SREBF1: variants seen among roughly 807,000 people sequenced by gnomAD.
The protein encoded by SREBF1 is sterol regulatory element-binding protein 1.
SREBF1 carries 45 observed loss-of-function variants against 100.1 expected under a neutral mutation model. The ratio of observed to expected loss-of-function variants is 0.45; its 90% CI spans 0.35 to 0.58. The LOEUF is 0.58. Among genes scored for constraint, SREBF1 ranks in the 20% least tolerant of loss-of-function variants. SREBF1 has a pLI of 0.00. For missense variants in SREBF1, 1,324 were observed against 1,539.4 expected, an observed-to-expected ratio of 0.86 and a Z score of 2.34; for synonymous variants, 657 against 681.8, an observed-to-expected ratio of 0.96 and a Z score of 0.57.
intron 15 of SREBF1, 62 bp downstream of exon 15, chr17:17,814,553 T>G (rs1320853182): frequency 6.5e-7 from 1 of 1,535,904 alleles, no homozygotes; most frequent in Non-Finnish European, 8.7e-7. Flanking sequence ...TGAGGCACAG[T>G]GCCCAGGGGA....
intron 1 of SREBF1, among the ~76,000 whole-genome samples, chr17:17,822,558 C>T (rs902193956): frequency 6.6e-6 from 1 of 152,264 alleles, no homozygotes; most frequent in African/African-American, 2.4e-5. Flanking sequence ...GCCTATCTGG[C>T]TCAGCCCAGG....
Position 17,815,348 on chromosome 17 carries a change from G to T in SREBF1, c.2384-19C>A. On this transcript the variant is annotated intron_variant, in intron 12 of 18. Transcript: ENST00000261646. The stretch of plus-strand genomic sequence containing the variant: ...GGGTCCACTGTGGAGAGGAGGAGGT[G>T]AGTGGGGTGGGGAGCAGGGCCCCAC... 6.2e-7 allele frequency: 1 copy of T among 1,603,434 alleles called. No homozygotes were observed. Among genetic ancestry groups the T allele is most frequent in the Non-Finnish European group, 8.5e-7 (1 of 1,171,112 alleles).
chr17:17,828,866 A>T (rs943057751), intron 1 of SREBF1, among the ~76,000 whole-genome samples: 90 of 152,112 alleles, frequency 5.9e-4, no homozygotes, highest in African/African-American at 2.0e-3. Context: ...GCGAGCTGTG[A>T]TTGTGCCATG....
Position 17,820,368 on chromosome 17 carries a change from G to A in SREBF1, c.245C>T (p.Ser82Phe). The A allele has an allele frequency of 6.2e-7, 1 of 1,612,748 alleles. No individual in the cohort carries two copies. The highest frequency in any genetic ancestry group is 2.2e-5 in the East Asian group (1 of 44,842). The stretch of plus-strand genomic sequence containing the variant: ...CGGCCCGCTCAGGAAGGCTTCAAGA[G>A]AGGAGCTCAATGTGGCAGGAGGTGG... ...LSPPPATLSS[S>F]LEAFLSGPQA... Residue 82 changes from serine (S) to phenylalanine (F), a missense_variant, in exon 2 of 19, where the codon TCT becomes TTT. By Grantham distance (155) the Ser-to-Phe change is radical. Coordinates refer to ENST00000261646, the MANE Select transcript of SREBF1 (RefSeq NM_004176.5).
chr17:17,811,647 T>G lies in SREBF1; in HGVS notation c.*975A>C. 1 of 444,500 alleles carries G rather than the reference T, an allele frequency of 2.2e-6. No individual in the cohort carries two copies. Among genetic ancestry groups the G allele is most frequent in the Non-Finnish European group, 4.5e-6 (1 of 222,674 alleles). 27.5% of individuals were successfully genotyped at this position (444,500 alleles called of 1,614,324 possible). ...GGCGGCAGGTCGGGAGGGAGGAGGC[T>G]TCTTTGCTGTGAGATGACCAGGGGC... On this transcript the variant is annotated 3_prime_UTR_variant, in exon 19 of 19. Coordinates refer to ENST00000261646, the MANE Select transcript of SREBF1 (RefSeq NM_004176.5).
In SREBF1 at chr17:17,817,740, C is replaced by T. The variant is rs761675701; in HGVS notation, c.1360G>A (p.Gly454Ser). The T allele has an allele frequency of 1.9e-6, 3 of 1,613,470 alleles. No individual in the cohort carries two copies. The East Asian group carries it at 6.7e-5, about 36-fold the overall frequency. Residue 454 changes from glycine to serine, a missense_variant, in exon 7 of 19, where the codon GGC becomes AGC. Gly to Ser is a moderately conservative substitution (Grantham distance 56, BLOSUM62 0). Transcript: ENST00000261646. This position sits in a 1 kb window ranked among gnomAD's most constrained non-coding sequence, Gnocchi z 6.6. ...GGGCTGTCAGGCTCCGAGTCACTGCCACTGCCACCGCTGCCACTGCCCCTG... is the reference window on the plus strand; with the variant it reads ...GGGCTGTCAGGCTCCGAGTCACTGCTACTGCCACCGCTGCCACTGCCCCTG... ...GSRGSGSGGS[G>S]SDSEPDSPVF...
At position 17,820,567 on chromosome 17, in the gene SREBF1, C is replaced by A; in HGVS notation, c.92-46G>T. The A allele has an allele frequency of 2.5e-6, 4 of 1,589,672 alleles. No homozygotes were observed. In the South Asian group the frequency reaches 4.4e-5, roughly 18 times the overall value. On this transcript the variant is annotated intron_variant, in intron 1 of 18. Transcript: ENST00000261646. ...TGCGTGAGTGAGGCAGAGACTGACCCCCAAACAGGGCATCACACACATCCA... is the reference window on the plus strand; with the variant it reads ...TGCGTGAGTGAGGCAGAGACTGACCACCAAACAGGGCATCACACACATCCA...
rs1418413783 is a variant in SREBF1 at position 17,820,152 on chromosome 17, G to A, written c.461C>T (p.Pro154Leu). The A allele has an allele frequency of 2.5e-6, 4 of 1,613,230 alleles. No individual in the cohort carries two copies. The highest frequency in any genetic ancestry group is 1.7e-5 in the Admixed American group (1 of 59,976). Residue 154 changes from proline (P) to leucine (L), a missense_variant, in exon 2 of 19, where the codon CCA (proline) becomes CTA (leucine). By Grantham distance (98) the Pro-to-Leu change is moderately conservative. Transcript: ENST00000261646. Reference sequence around the variant, plus strand: ...CACAGGGGTGGAGCTGAACTGCGGTGGGGCTGGGGCTGGGAAGCTCTGTGG... The same window carrying A: ...CACAGGGGTGGAGCTGAACTGCGGTAGGGCTGGGGCTGGGAAGCTCTGTGG... ...LLPQSFPAPA[P>L]PQFSSTPVLG...
At position 17,812,491 on chromosome 17, in the gene SREBF1, A is replaced by T; in HGVS notation, c.*131T>A. 1 of 946,108 alleles carries T rather than the reference A, an allele frequency of 1.1e-6. No homozygotes were observed. Among genetic ancestry groups the T allele is most frequent in the Non-Finnish European group, 1.6e-6 (1 of 636,658 alleles). The allele number at this position is 946,108 out of a possible 1,614,324, so 58.6% of individuals were successfully genotyped here. A position where few individuals can be genotyped will look rare whatever the true frequency, so the allele number is the denominator to read the frequency against. ...GCCTTCCACCGCGAAGGCACACAGC[A>T]GCCGCAGGTCGAACTGTGGAGGCCA... On this transcript the variant is annotated 3_prime_UTR_variant, in exon 19 of 19. Coordinates refer to ENST00000261646, the MANE Select transcript of SREBF1 (RefSeq NM_004176.5).
chr17:17,833,611 T>G (rs78735444), intron 1 of SREBF1, among the ~76,000 whole-genome samples: 1,966 of 151,894 alleles, frequency 0.013, 28 homozygotes, highest in Non-Finnish European at 0.022. Context: ...AAAAGTTAAC[T>G]AAAAATCATT....
At chr17:17,825,684 T>C (rs2034447473) in intron 1 of SREBF1, among the ~76,000 whole-genome samples, 1 of 148,492 alleles carries the variant, frequency 6.7e-6, no homozygotes, top group African/African-American at 2.5e-5. Flanking sequence ...CTCAGCTCAC[T>C]GCAACCTCTA....
At chr17:17,831,094 A>C (rs2034834100) in intron 1 of SREBF1, among the ~76,000 whole-genome samples, 1 of 32,948 alleles carries the variant, frequency 3.0e-5, no homozygotes, top group African/African-American at 1.2e-4. Context: ...GGCTGAGACA[A>C]GGGAACTTTA....
rs56088670 is a variant in SREBF1, at chr17:17,814,677, C to T, written c.2673G>A (p.Glu891=). 40 of 1,582,924 alleles carry T rather than the reference C, an allele frequency of 2.5e-5. No homozygotes were observed. The Middle Eastern group carries it at 1.2e-3, about 46-fold the overall frequency. ...AVVIHWLRRD[E]EAAERLCPLV... is the part of the protein sequence containing the mutation. Reference sequence around the variant, plus strand: ...GCGGGCACAGCCGCTCAGCCGCCTCCTCATCCCGCCGCAGCCAGTGGATCA... The same window carrying T: ...GCGGGCACAGCCGCTCAGCCGCCTCTTCATCCCGCCGCAGCCAGTGGATCA... Residue 891 remains glutamate, a synonymous_variant, in exon 15 of 19, where the codon GAG becomes GAA. Coordinates refer to ENST00000261646, the MANE Select transcript of SREBF1 (RefSeq NM_004176.5).
chr17:17,817,535 G>A lies in SREBF1; in HGVS notation c.1405-78C>T. On this transcript the variant is annotated intron_variant, in intron 7 of 18. Transcript: ENST00000261646. This position sits in a 1 kb window ranked among gnomAD's most constrained non-coding sequence, Gnocchi z 6.6. ...CATGGGGCTGGGAAGGGGGGGGTCA[G>A]GATTCTGCCCACCTTACTGTGGGAC... 6.5e-7 allele frequency: 1 copy of A among 1,536,692 alleles called. No individual in the cohort carries two copies.
chr17:17,816,847 G>A (rs1164920790), intron 9 of SREBF1, 111 bp downstream of exon 9: 10 of 1,590,024 alleles, frequency 6.3e-6, no homozygotes, highest in Non-Finnish European at 8.6e-6. Flanking sequence ...GGCACAGGGA[G>A]GACGGGACAG....
Position 17,814,393 on chromosome 17 carries a change from G to C in SREBF1, c.2753C>G (p.Ala918Gly). 1 of 1,559,142 alleles carries C rather than the reference G, an allele frequency of 6.4e-7. No homozygotes were observed. Among genetic ancestry groups the C allele is most frequent in the East Asian group, 2.4e-5 (1 of 41,914 alleles). ...LQESERPLPR[A>G]ALHSFKAARA... ...GGCAGCCTTGAAGGAGTGCAGAGCT[G>C]CCCTGGGCAGGGGTCTCCTGTTGGG... is the stretch of plus-strand genomic sequence containing the variant. Residue 918 changes from alanine (A) to glycine (G), a missense_variant, in exon 16 of 19, where the codon GCA becomes GGA. Coordinates refer to ENST00000261646, the MANE Select transcript of SREBF1 (RefSeq NM_004176.5).
chr17:17,831,263 T>C (rs1387284790), intron 1 of SREBF1, among the ~76,000 whole-genome samples: 3 of 151,412 alleles, frequency 2.0e-5, no homozygotes, highest in African/African-American at 7.3e-5. Flanking sequence ...GGGAGAGGTA[T>C]GGGGTGGCAG....
In SREBF1 at chr17:17,814,928, G is replaced by A; in HGVS notation, c.2509C>T (p.Leu837Phe). The change falls in exon 14 of 19, where the codon CTC (leucine) becomes TTC (phenylalanine). Residue 837 changes from leucine (L) to phenylalanine (F), a missense_variant. Coordinates refer to ENST00000261646, the MANE Select transcript of SREBF1 (RefSeq NM_004176.5). Reference sequence around the variant, plus strand: ...CTGTTCAGCAGCTGCAGGTACCCGAGGGCATCCGAGAATTCCCTGTGGAAG... The same window carrying A: ...CTGTTCAGCAGCTGCAGGTACCCGAAGGCATCCGAGAATTCCCTGTGGAAG... ...ADGDKEFSDA[L>F]GYLQLLNSCS... is the part of the protein sequence containing the mutation. The A allele has an allele frequency of 6.4e-7, 1 of 1,568,716 alleles. No individual in the cohort carries two copies. The highest frequency in any genetic ancestry group is 8.6e-7 in the Non-Finnish European group (1 of 1,157,042).
chr17:17,816,197 A>ACCCCCCCAC lies in SREBF1; in HGVS notation c.2214+9_2214+10insGTGGGGGGG. The ACCCCCCCAC allele has an allele frequency of 4.4e-6, 5 of 1,137,370 alleles. No individual in the cohort carries two copies. The highest frequency in any genetic ancestry group is 4.6e-6 in the Non-Finnish European group (4 of 876,002). 70.5% of individuals were successfully genotyped at this position (1,137,370 alleles called of 1,614,324 possible). Reference sequence around the variant, plus strand: ...GCAGGGATAAGCCCCCAGCCCCCCAACCCACTCACTGTCAGAAAATGCAAG... The same window carrying ACCCCCCCAC: ...GCAGGGATAAGCCCCCAGCCCCCCAACCCCCCCACCCCACTCACTGTCAGAAAATGCAAG... On this transcript the variant is annotated intron_variant, in intron 11 of 18. Transcript: ENST00000261646.
Sources: allele counts gnomAD v4.1 joint callset (sites outside exome capture counted in the v4.1 genomes callset), GRCh38; gene constraint gnomAD v4.1.1; non-coding constraint Gnocchi (gnomAD v3.1); transcripts MANE v1.5; gene names NCBI Gene and HGNC (gene_info 2026-07-23, HGNC 2026-07-21).